The following VOPP1 variants were observed in gnomAD, a reference collection of about 807,000 sequenced individuals.
The protein encoded by VOPP1 is WW domain binding protein VOPP1.
Under a neutral mutation model 23.5 loss-of-function variants are expected in VOPP1, and 8 were observed. The ratio of observed to expected loss-of-function variants is 0.34; its 90% CI spans 0.20 to 0.61. VOPP1 has a LOEUF of 0.61. Ranked by LOEUF, VOPP1 falls within the 20% of genes least tolerant of loss-of-function variation. The pLI is 0.78. For synonymous variants in VOPP1, 83 were observed against 97.3 expected (o/e 0.85, Z 0.86); for missense variants, 174 against 238.1 (o/e 0.73, Z 1.77).
intron 3 of VOPP1, 25 bp downstream of exon 3, chr7:55,497,588 G>T: frequency 6.5e-7 from 1 of 1,528,450 alleles, no homozygotes. Flanking sequence ...CTCGGGGTAG[G>T]GAACAAGGAG....
At chr7:55,526,494 A>G (rs1675526796) in intron 1 of VOPP1, among the ~76,000 whole-genome samples, 1 of 152,130 alleles carries the variant, frequency 6.6e-6, no homozygotes, top group Admixed American at 6.5e-5. Context: ...TCCCTTTTCT[A>G]TCCCAGGCTA....
At chr7:55,469,860 G>A (rs530302020), downstream of VOPP1, among the ~76,000 whole-genome samples, 40 of 152,222 alleles carry the variant, frequency 2.6e-4, no homozygotes, top group Non-Finnish European at 5.0e-4. Flanking sequence ...ACTTTTAGGG[G>A]AGGGACCATG....
intron 4 of VOPP1, among the ~76,000 whole-genome samples, chr7:55,458,514 AT>A (rs1791422673): frequency 6.6e-6 from 1 of 152,126 alleles, no homozygotes; most frequent in African/African-American, 2.4e-5. Flanking sequence ...TTGGGTAAAC[AT>A]TTTAATGATA....
intron 1 of VOPP1, chr7:55,571,578 G>A (rs1374195723): frequency 6.6e-6 from 1 of 152,246 alleles, no homozygotes; most frequent in African/African-American, 2.4e-5. Context: ...TCACAGCCAG[G>A]AGCAGCCGCG....
downstream of VOPP1, among the ~76,000 whole-genome samples, chr7:55,434,968 T>C (rs1790788895): frequency 1.3e-5 from 2 of 152,208 alleles, no homozygotes; most frequent in Admixed American, 1.3e-4. Flanking sequence ...CTTAGGCAGT[T>C]TTCACATCTG....
intron 1 of VOPP1, chr7:55,538,485 G>A: frequency 5.3e-6 from 4 of 749,278 alleles, no homozygotes; most frequent in Non-Finnish European, 8.3e-6. Flanking sequence ...TTCCTGCCAG[G>A]CTACACAAAC....
intron 1 of VOPP1, among the ~76,000 whole-genome samples, chr7:55,523,996 T>C (rs1796025147): frequency 6.6e-6 from 1 of 152,212 alleles, no homozygotes; most frequent in African/African-American, 2.4e-5. Flanking sequence ...TATCATGACA[T>C]GATCACACAT....
At chr7:55,462,234 T>C (rs182603067) in intron 4 of VOPP1, among the ~76,000 whole-genome samples, 1 of 152,330 alleles carries the variant, frequency 6.6e-6, no homozygotes. Context: ...TTATATGTGA[T>C]TTGACACTTT....
intron 4 of VOPP1, among the ~76,000 whole-genome samples, chr7:55,475,173 G>A (rs999433441): frequency 1.3e-5 from 2 of 152,232 alleles, no homozygotes; most frequent in Non-Finnish European, 2.9e-5. Context: ...GGCAGGGGTA[G>A]GGACAGACAC....
At chr7:55,499,625 G>T (rs1009161973) in intron 2 of VOPP1, among the ~76,000 whole-genome samples, 7 of 152,236 alleles carry the variant, frequency 4.6e-5, no homozygotes, top group African/African-American at 1.7e-4. Flanking sequence ...GGCACCGGCA[G>T]GTTGAGAGCA....
At chr7:55,489,782 C>T (rs896640525) in intron 4 of VOPP1, among the ~76,000 whole-genome samples, 1 of 152,080 alleles carries the variant, frequency 6.6e-6, no homozygotes. Context: ...GGATGAGGGC[C>T]GGGCATCTAC....
chr7:55,462,204 T>C (rs1791517893), intron 4 of VOPP1, among the ~76,000 whole-genome samples: 1 of 152,232 alleles, frequency 6.6e-6, no homozygotes, highest in South Asian at 2.1e-4. Context: ...GAGGAATCTA[T>C]TAGTCTGATG....
chr7:55,572,232 GCGCCGCGCCTCCGGC>G, intron 1 of VOPP1, 24 bp downstream of exon 1: 1 of 1,493,886 alleles, frequency 6.7e-7, no homozygotes. Flanking sequence ...AGCATGGTGG[GCGCCGCGCCTCCGGC>G]AGCACCCGGT....
At chr7:55,512,826 T>C (rs957757596) in intron 2 of VOPP1, among the ~76,000 whole-genome samples, 1 of 152,154 alleles carries the variant, frequency 6.6e-6, no homozygotes, top group Non-Finnish European at 1.5e-5. Flanking sequence ...TCAGAGTCTG[T>C]CCACAGAGCC....
intron 1 of VOPP1, among the ~76,000 whole-genome samples, chr7:55,525,345 C>T (rs563523025): frequency 2.6e-5 from 4 of 152,110 alleles, no homozygotes; most frequent in Admixed American, 6.5e-5. Flanking sequence ...AAAAATTAGC[C>T]GGGCGTGGTG....
At chr7:55,516,950 T>A (rs1260108634) in intron 2 of VOPP1, among the ~76,000 whole-genome samples, 195 of 109,790 alleles carry the variant, frequency 1.8e-3, no homozygotes, top group Non-Finnish European at 3.2e-3. Flanking sequence ...TTTTTTTTTT[T>A]TTTTTTTTTT....
intron 1 of VOPP1, among the ~76,000 whole-genome samples, chr7:55,547,091 C>T (rs909939610): frequency 3.9e-5 from 6 of 152,210 alleles, no homozygotes; most frequent in Non-Finnish European, 7.3e-5. Context: ...TTTAGCAGCC[C>T]CAGGTCAGCT....
intron 1 of VOPP1, among the ~76,000 whole-genome samples, chr7:55,523,509 T>C (rs1164695120): frequency 2.0e-5 from 3 of 152,150 alleles, no homozygotes; most frequent in Non-Finnish European, 4.4e-5. Context: ...CAGGTCATTC[T>C]CGGCAAGCCT....
intron 1 of VOPP1, among the ~76,000 whole-genome samples, chr7:55,569,290 T>C (rs1798270269): frequency 6.6e-6 from 1 of 152,216 alleles, no homozygotes; most frequent in South Asian, 2.1e-4. Context: ...TGATGCCCAC[T>C]GTCCAGGCAC....
Sources: gnomAD v4.1 joint callset for allele counts (sites outside exome capture counted in the v4.1 genomes callset) on GRCh38, gnomAD v4.1.1 for gene constraint, MANE v1.5 for transcripts, NCBI Gene and HGNC (gene_info 2026-07-23, HGNC 2026-07-21) for gene names.